MARCHF4: variants seen among roughly 807,000 people sequenced by gnomAD.
The protein encoded by MARCHF4 is E3 ubiquitin-protein ligase MARCHF4.
MARCHF4 carries 14 observed loss-of-function variants against 43.9 expected under a neutral mutation model. The observed-to-expected ratio is 0.32, with a 90% CI of 0.21 to 0.50. MARCHF4 has a LOEUF of 0.50. MARCHF4 is among the 20% of genes least tolerant of loss of function. The probability of loss-of-function intolerance (pLI) is 0.98; values close to 1 mark genes in which losing one functional copy is unlikely to be tolerated. For synonymous variants in MARCHF4, 226 were observed against 213.3 expected (o/e 1.06, Z -0.52); for missense variants, 468 against 536.7 (o/e 0.87, Z 1.27).
intron 3 of MARCHF4, among the ~76,000 whole-genome samples, chr2:216,262,418 C>T (rs1690755755): frequency 6.6e-6 from 1 of 152,072 alleles, no homozygotes; most frequent in Non-Finnish European, 1.5e-5. Context: ...TATGTACTTG[C>T]AAGAGAGTGA....
At chr2:216,349,244 C>T (rs530242626) in intron 1 of MARCHF4, among the ~76,000 whole-genome samples, 2 of 152,342 alleles carry the variant, frequency 1.3e-5, no homozygotes, top group East Asian at 3.9e-4. Context: ...ACATAAGTTT[C>T]AGGGATCTCT....
intron 1 of MARCHF4, among the ~76,000 whole-genome samples, chr2:216,302,986 AT>A (rs1375559885): frequency 6.6e-6 from 1 of 151,870 alleles, no homozygotes; most frequent in Non-Finnish European, 1.5e-5. Context: ...CTAATTTGTA[AT>A]CCCCCCAAAA....
chr2:216,325,933 T>C (rs1394847809), intron 1 of MARCHF4, among the ~76,000 whole-genome samples: 6 of 147,952 alleles, frequency 4.1e-5, no homozygotes, highest in African/African-American at 1.5e-4. Context: ...CCAAAAGCAA[T>C]GGCAACAAAA....
At chr2:216,369,612 T>A in intron 1 of MARCHF4, 133 bp downstream of exon 1, 1 of 677,556 alleles carries the variant, frequency 1.5e-6, no homozygotes. Context: ...ACAAGAAACA[T>A]CAATGAGGGC....
At chr2:216,333,976 T>A (rs1305504317) in intron 1 of MARCHF4, among the ~76,000 whole-genome samples, 2 of 150,470 alleles carry the variant, frequency 1.3e-5, no homozygotes, top group Non-Finnish European at 1.5e-5. Context: ...TTTTTTTTTT[T>A]AAGAATGATA....
intron 1 of MARCHF4, among the ~76,000 whole-genome samples, chr2:216,345,801 T>C (rs944857676): frequency 1.4e-4 from 21 of 152,144 alleles, no homozygotes; most frequent in African/African-American, 5.1e-4. Flanking sequence ...AATCTGCAAT[T>C]CAACAAGGAC....
chr2:216,308,960 C>A (rs976430092), intron 1 of MARCHF4, among the ~76,000 whole-genome samples: 1 of 152,012 alleles, frequency 6.6e-6, no homozygotes, highest in East Asian at 1.9e-4. Flanking sequence ...TCCTTGTGAA[C>A]GGCAGAAGCA....
In MARCHF4 at chr2:216,310,783, CT is replaced by C. The variant is rs1691673464; in HGVS notation, c.517-27055del. ...TTACAGTCACGTTTTTATTAATCTA[CT>C]TTTGGGGGCATGTGGCATTCAGGGC... On this transcript the variant is annotated intron_variant, in intron 1 of 3. Coordinates refer to ENST00000273067, the MANE Select transcript of MARCHF4 (RefSeq NM_020814.3). 5.3e-5 allele frequency among the ~76,000 whole-genome samples: 8 copies of C among 152,168 alleles called. No individual in the cohort carries two copies. The South Asian group carries it at 1.7e-3, about 32-fold the overall frequency.
At chr2:216,273,341 A>G (rs1448092078) in intron 3 of MARCHF4, among the ~76,000 whole-genome samples, 1 of 152,226 alleles carries the variant, frequency 6.6e-6, no homozygotes, top group Non-Finnish European at 1.5e-5. Context: ...GAAAGTCTAG[A>G]GACTCATCGC....
chr2:216,267,256 G>A (rs191662737), intron 3 of MARCHF4, among the ~76,000 whole-genome samples: 10 of 152,270 alleles, frequency 6.6e-5, no homozygotes. Context: ...GTGACCACAA[G>A]CCAGGCCAGC....
chr2:216,290,928 T>G (rs944633820), intron 1 of MARCHF4, among the ~76,000 whole-genome samples: 20 of 152,160 alleles, frequency 1.3e-4, no homozygotes, highest in Admixed American at 1.3e-3. Context: ...TTGAGATGCC[T>G]GTTAGATATC....
At chr2:216,293,141 G>A (rs766714395) in intron 1 of MARCHF4, among the ~76,000 whole-genome samples, 39 of 152,100 alleles carry the variant, frequency 2.6e-4, no homozygotes, top group African/African-American at 7.7e-4. Flanking sequence ...GTCTGATAGC[G>A]TGTGAGCAGC....
intron 1 of MARCHF4, among the ~76,000 whole-genome samples, chr2:216,297,575 A>G (rs998450428): frequency 1.1e-4 from 16 of 152,136 alleles, no homozygotes; most frequent in African/African-American, 3.6e-4. Context: ...GCAGTGGCAC[A>G]ATCTCAGCTC....
intron 2 of MARCHF4, among the ~76,000 whole-genome samples, chr2:216,282,924 C>T (rs1408988032): frequency 6.6e-6 from 1 of 152,156 alleles, no homozygotes; most frequent in Non-Finnish European, 1.5e-5. Context: ...CTGTCCCTTG[C>T]CATTGGAAGT....
chr2:216,272,464 C>A (rs995154582), intron 3 of MARCHF4, among the ~76,000 whole-genome samples: 3 of 152,146 alleles, frequency 2.0e-5, no homozygotes, highest in Non-Finnish European at 2.9e-5. Context: ...TTCCCCCCAA[C>A]CTGCCTCCCC....
intron 3 of MARCHF4, chr2:216,265,801 A>C (rs1335032229): frequency 6.6e-6 from 1 of 152,128 alleles, no homozygotes; most frequent in Non-Finnish European, 1.5e-5. Flanking sequence ...TGCCTTTCAC[A>C]CTTCTACTGT....
intron 3 of MARCHF4, among the ~76,000 whole-genome samples, 165 bp downstream of exon 3, chr2:216,277,507 C>T (rs1234636885): frequency 2.0e-5 from 3 of 152,146 alleles, no homozygotes; most frequent in Non-Finnish European, 2.9e-5. Context: ...CTCCCCCTTC[C>T]CATCCACCCC....
At position 216,259,531 on chromosome 2, in the gene MARCHF4, T is replaced by C. The variant is rs1230680604; in HGVS notation, c.1014A>G (p.Ser338=). ...AGGRTNPRTS[S]STQANIPSSE... Reference sequence around the variant, plus strand: ...AGGAGGGGATATTGGCCTGGGTGGATGAGGAGGTCCGGGGGTTGGTCCTGC... The same window carrying C: ...AGGAGGGGATATTGGCCTGGGTGGACGAGGAGGTCCGGGGGTTGGTCCTGC... Residue 338 remains serine (S), a synonymous_variant, in exon 4 of 4, where the codon TCA becomes TCG. Transcript: ENST00000273067. 1 of 1,614,140 alleles carries C rather than the reference T, an allele frequency of 6.2e-7. No individual in the cohort carries two copies. The highest frequency in any genetic ancestry group is 8.5e-7 in the Non-Finnish European group (1 of 1,180,008).
rs577806414 is a variant in MARCHF4, at chr2:216,325,184, G to A, written c.517-41455C>T. On this transcript the variant is annotated intron_variant, in intron 1 of 3. Transcript: ENST00000273067. ...TATACACCAACAAGAGACAAACAGA[G>A]AGCCAGATCATGAGTGAACTCCCAT... Among the ~76,000 whole-genome samples, 4 of 152,230 alleles carry A rather than the reference G, an allele frequency of 2.6e-5. No homozygotes were observed. In the South Asian group the frequency reaches 8.3e-4, roughly 32 times the overall value.
Sources: allele counts gnomAD v4.1 joint callset (sites outside exome capture counted in the v4.1 genomes callset), GRCh38; gene constraint gnomAD v4.1.1; transcripts MANE v1.5; gene names NCBI Gene and HGNC (gene_info 2026-07-23, HGNC 2026-07-21).